PRKN: variants seen among roughly 807,000 people sequenced by gnomAD.
The protein encoded by PRKN is parkin RBR E3 ubiquitin protein ligase, also known as E3 ubiquitin-protein ligase parkin.
In PRKN, 56 loss-of-function variants were observed where a neutral mutation model predicts 59.5. The observed-to-expected ratio is 0.94, with a 90% CI of 0.76 to 1.18. PRKN has a LOEUF of 1.18. PRKN is among the 50% of genes most tolerant of loss of function. The probability of loss-of-function intolerance (pLI) is 0.00; values close to 1 mark genes in which losing one functional copy is unlikely to be tolerated. For missense variants in PRKN, 657 were observed against 596.4 expected (o/e 1.10, Z -1.06); for synonymous variants, 250 against 222.1 (o/e 1.13, Z -1.12).
At chr6:161,489,842 C>G (rs767753700) in intron 9 of PRKN, among the ~76,000 whole-genome samples, 1 of 152,168 alleles carries the variant, frequency 6.6e-6, no homozygotes, top group Non-Finnish European at 1.5e-5. Flanking sequence ...AGGCTTTCCT[C>G]CAGGCTCTGC....
intron 6 of PRKN, among the ~76,000 whole-genome samples, chr6:161,925,443 C>T (rs532385849): frequency 3.3e-5 from 5 of 152,122 alleles, no homozygotes; most frequent in East Asian, 3.9e-4. Context: ...TGGTGGCGGG[C>T]GCCTGTGATC....
At chr6:161,663,002 G>A (rs1013569267) in intron 7 of PRKN, among the ~76,000 whole-genome samples, 7 of 152,112 alleles carry the variant, frequency 4.6e-5, no homozygotes, top group African/African-American at 1.4e-4. Context: ...GGTTTTTCCC[G>A]TGCTGTTGTC....
intron 2 of PRKN, among the ~76,000 whole-genome samples, chr6:162,378,989 C>A (rs1786278095): frequency 6.6e-6 from 1 of 152,156 alleles, no homozygotes; most frequent in Non-Finnish European, 1.5e-5. Context: ...CCTTGAGAAG[C>A]CACATTTCAA....
intron 2 of PRKN, among the ~76,000 whole-genome samples, chr6:162,294,303 CT>C (rs1781564285): frequency 6.6e-6 from 1 of 152,022 alleles, no homozygotes. Flanking sequence ...CCTCAAACTT[CT>C]TCAGAGCTTG....
intron 4 of PRKN, among the ~76,000 whole-genome samples, chr6:162,179,180 T>C (rs1783680846): frequency 6.6e-6 from 1 of 152,198 alleles, no homozygotes; most frequent in African/African-American, 2.4e-5. Context: ...GTGCCTGGCC[T>C]CCCTTCAGTC....
chr6:161,838,145 G>A (rs1213201504), intron 6 of PRKN, among the ~76,000 whole-genome samples: 1 of 152,058 alleles, frequency 6.6e-6, no homozygotes, highest in Non-Finnish European at 1.5e-5. Context: ...TTGTGTACTG[G>A]GCACCATTTT....
chr6:162,411,048 T>C (rs1788331789), intron 2 of PRKN, among the ~76,000 whole-genome samples: 1 of 152,202 alleles, frequency 6.6e-6, no homozygotes, highest in South Asian at 2.1e-4. Context: ...ATATAGTCCT[T>C]TGGGGTTTCA....
chr6:161,655,614 CTG>C (rs1172996101), intron 7 of PRKN, among the ~76,000 whole-genome samples: 1 of 152,318 alleles, frequency 6.6e-6, no homozygotes, highest in East Asian at 1.9e-4. Flanking sequence ...AGGCTTTAAA[CTG>C]TGAACAATGT....
At chr6:162,447,617 G>A (rs988562524) in intron 1 of PRKN, among the ~76,000 whole-genome samples, 2 of 152,146 alleles carry the variant, frequency 1.3e-5, no homozygotes, top group Non-Finnish European at 2.9e-5. Flanking sequence ...GGTGGGAAGA[G>A]GGGAAAGGGT....
intron 10 of PRKN, among the ~76,000 whole-genome samples, chr6:161,368,046 A>G (rs1292027809): frequency 6.6e-6 from 1 of 151,858 alleles, no homozygotes; most frequent in Non-Finnish European, 1.5e-5. Flanking sequence ...ATCAAGTCAC[A>G]TGCTACAAAG....
rs367972243 is a variant in PRKN at position 161,590,735 on chromosome 6, C to CAA, written c.872-21321_872-21320dup. Among the ~76,000 whole-genome samples the CAA allele has an allele frequency of 9.3e-3, 924 of 99,434 alleles. 5 individuals are homozygous for CAA. Among genetic ancestry groups the CAA allele is most frequent in the African/African-American group, 0.029 (750 of 25,442 alleles). 65.2% of individuals were successfully genotyped at this position (99,434 alleles called of 152,430 possible). Reference sequence around the variant, plus strand: ...GTGACGACAGAGTGAGACTCTGTCTCAAAAAAAAAAAAAAAATTGCATAAC... The same window carrying CAA: ...GTGACGACAGAGTGAGACTCTGTCTCAAAAAAAAAAAAAAAAAATTGCATAAC... On this transcript the variant is annotated intron_variant, in intron 7 of 11. Coordinates refer to ENST00000366898, the MANE Select transcript of PRKN (RefSeq NM_004562.3).
chr6:161,730,022 T>C (rs1405337403), intron 7 of PRKN, among the ~76,000 whole-genome samples: 1 of 152,234 alleles, frequency 6.6e-6, no homozygotes, highest in African/African-American at 2.4e-5. Context: ...TCTGATGTGT[T>C]GCATTCTGAT....
At chr6:161,732,245 C>A (rs1052657324) in intron 7 of PRKN, among the ~76,000 whole-genome samples, 1 of 152,038 alleles carries the variant, frequency 6.6e-6, no homozygotes, top group Non-Finnish European at 1.5e-5. Context: ...TGCCACCATG[C>A]CTGGCTAATT....
At chr6:162,494,620 C>T (rs1254000490) in intron 1 of PRKN, among the ~76,000 whole-genome samples, 2 of 152,218 alleles carry the variant, frequency 1.3e-5, no homozygotes, top group East Asian at 3.9e-4. Flanking sequence ...TGGGTTGGAA[C>T]CTTGAATAAA....
intron 7 of PRKN, among the ~76,000 whole-genome samples, chr6:161,585,569 A>G (rs1347214544): frequency 2.0e-5 from 3 of 152,234 alleles, no homozygotes; most frequent in African/African-American, 4.8e-5. Context: ...TTAAATAGTG[A>G]TTGTCAATTA....
At chr6:161,564,759 C>T (rs1780577323) in intron 8 of PRKN, among the ~76,000 whole-genome samples, 1 of 152,146 alleles carries the variant, frequency 6.6e-6, no homozygotes, top group South Asian at 2.1e-4. Context: ...CTCAAATCTT[C>T]AGTTTGCAAT....
At chr6:162,677,607 T>A (rs1407844371) in intron 1 of PRKN, among the ~76,000 whole-genome samples, 2 of 152,126 alleles carry the variant, frequency 1.3e-5, no homozygotes, top group African/African-American at 4.8e-5. Flanking sequence ...TGGAACTCTG[T>A]CAGAGGTGAA....
chr6:162,484,889 A>G (rs557339822), intron 1 of PRKN, among the ~76,000 whole-genome samples: 18 of 152,228 alleles, frequency 1.2e-4, no homozygotes, highest in Non-Finnish European at 1.9e-4. Flanking sequence ...CAGTTCATCA[A>G]TTTTACTTTT....
In PRKN at chr6:161,474,075, T is replaced by G. The variant is rs551561071; in HGVS notation, c.1083+74779A>C. ...TCTGCTACCAAGAAAAAAATGGGCG[T>G]GGAGCATGATCAGTTTACTCTTTCC... On this transcript the variant is annotated intron_variant, in intron 9 of 11. Coordinates refer to ENST00000366898, the MANE Select transcript of PRKN (RefSeq NM_004562.3). Among the ~76,000 whole-genome samples, 54 of 152,256 alleles carry G rather than the reference T, an allele frequency of 3.5e-4. 1 individual carries two copies. The highest frequency in any genetic ancestry group is 6.8e-3 in the Middle Eastern group (2 of 294).
Sources: gnomAD v4.1 joint callset for allele counts (sites outside exome capture counted in the v4.1 genomes callset) on GRCh38, gnomAD v4.1.1 for gene constraint, MANE v1.5 for transcripts, NCBI Gene and HGNC (gene_info 2026-07-23, HGNC 2026-07-21) for gene names.